Variants in RCAN1 observed in about 807,000 individuals in gnomAD.
The protein encoded by RCAN1 is calcipressin-1.
RCAN1 carries 11 observed loss-of-function variants against 22.9 expected under a neutral mutation model. The observed-to-expected ratio is 0.48, with a 90% CI of 0.30 to 0.79. RCAN1 has a LOEUF of 0.79. Among genes scored for constraint, RCAN1 ranks in the 30% least tolerant of loss-of-function variants. The probability of loss-of-function intolerance (pLI) is 0.06; values close to 1 mark genes in which losing one functional copy is unlikely to be tolerated. For synonymous variants in RCAN1, 136 were observed against 142.3 expected, an observed-to-expected ratio of 0.96 and a Z score of 0.32; for missense variants, 291 against 337.8, an observed-to-expected ratio of 0.86 and a Z score of 1.09.
chr21:34,600,570 G>A (rs528159792), intron 1 of RCAN1, among the ~76,000 whole-genome samples: 78 of 152,248 alleles, frequency 5.1e-4, no homozygotes, highest in Non-Finnish European at 5.0e-4. Flanking sequence ...TCACCACCAA[G>A]CATTAGCATT....
rs11539116 is a variant in RCAN1, at chr21:34,517,404, C to T, written c.*680G>A. 6.6e-6 allele frequency: 1 copy of T among 152,204 alleles called. No individual in the cohort carries two copies. The allele number at this position is 152,204 out of a possible 1,614,324, so 9.4% of individuals were successfully genotyped here. On this transcript the variant is annotated 3_prime_UTR_variant, in exon 4 of 4. Coordinates refer to ENST00000313806, the MANE Select transcript of RCAN1 (RefSeq NM_004414.7). ...GTTGGGGATGCTGAGTGAATGCATT[C>T]CAGGAAGAGTTCCGCAAGCAAGTGC...
chr21:34,548,012 A>T (rs1354506656), intron 1 of RCAN1, among the ~76,000 whole-genome samples: 1 of 152,200 alleles, frequency 6.6e-6, no homozygotes, highest in African/African-American at 2.4e-5. Context: ...GACAGTCTAC[A>T]AGCCAGGAGG....
At chr21:34,531,474 G>A (rs1248117221) in intron 1 of RCAN1, among the ~76,000 whole-genome samples, 1 of 152,180 alleles carries the variant, frequency 6.6e-6, no homozygotes. Context: ...CGTGCATAGT[G>A]CTGCAGGTAG....
intron 1 of RCAN1, among the ~76,000 whole-genome samples, chr21:34,575,257 A>C (rs1368422234): frequency 6.6e-6 from 1 of 152,156 alleles, no homozygotes; most frequent in Non-Finnish European, 1.5e-5. Context: ...TGGGAGCACA[A>C]ACACAGTTCA....
At chr21:34,607,360 T>C (rs1490019956) in intron 1 of RCAN1, among the ~76,000 whole-genome samples, 1 of 152,098 alleles carries the variant, frequency 6.6e-6, no homozygotes, top group East Asian at 1.9e-4. Context: ...AAATAAGTCT[T>C]TTTAATAATG....
At chr21:34,585,281 A>G (rs1987751066) in intron 1 of RCAN1, among the ~76,000 whole-genome samples, 1 of 152,260 alleles carries the variant, frequency 6.6e-6, no homozygotes, top group Non-Finnish European at 1.5e-5. Context: ...TAATGTCATT[A>G]GCTACAGAAG....
intron 1 of RCAN1, among the ~76,000 whole-genome samples, chr21:34,566,887 T>A (rs142959791): frequency 6.6e-6 from 1 of 152,162 alleles, no homozygotes; most frequent in Non-Finnish European, 1.5e-5. Context: ...TTCTGTGAAC[T>A]CATAGAGTAA....
chr21:34,536,817 T>C (rs1439011086), intron 1 of RCAN1, among the ~76,000 whole-genome samples: 1 of 152,224 alleles, frequency 6.6e-6, no homozygotes, highest in African/African-American at 2.4e-5. Flanking sequence ...TCGCTAAAGA[T>C]CGTTTGTATC....
intron 1 of RCAN1, among the ~76,000 whole-genome samples, chr21:34,589,760 C>T (rs907376560): frequency 6.6e-6 from 1 of 152,022 alleles, no homozygotes; most frequent in South Asian, 2.1e-4. Flanking sequence ...TGGGACAGCT[C>T]ATCTCATCTT....
At chr21:34,611,893 C>G (rs1021424249) in intron 1 of RCAN1, among the ~76,000 whole-genome samples, 2 of 152,204 alleles carry the variant, frequency 1.3e-5, no homozygotes, top group African/African-American at 4.8e-5. Flanking sequence ...AGGTTGCCCA[C>G]TGCATAGAGC....
chr21:34,563,770 A>AATATATAT (rs1199194939), intron 1 of RCAN1, among the ~76,000 whole-genome samples: 9 of 65,434 alleles, frequency 1.4e-4, no homozygotes, highest in East Asian at 9.7e-4. Context: ...AAAAAAAAAA[A>AATATATAT]ATATATATAT....
chr21:34,553,669 C>A (rs1344388793), intron 1 of RCAN1, among the ~76,000 whole-genome samples: 1 of 152,160 alleles, frequency 6.6e-6, no homozygotes, highest in East Asian at 1.9e-4. Flanking sequence ...GCCATACATT[C>A]CTAAGATGAA....
At chr21:34,524,853 G>A (rs1984897624) in intron 1 of RCAN1, among the ~76,000 whole-genome samples, 1 of 151,842 alleles carries the variant, frequency 6.6e-6, no homozygotes, top group South Asian at 2.1e-4. Context: ...TGTCGGTGGG[G>A]GCAGCTGGGG....
intron 1 of RCAN1, among the ~76,000 whole-genome samples, chr21:34,536,359 G>A (rs1353912450): frequency 6.6e-6 from 1 of 152,128 alleles, no homozygotes; most frequent in Non-Finnish European, 1.5e-5. Context: ...CTCAGCCAGG[G>A]GCACAGCACT....
intron 1 of RCAN1, among the ~76,000 whole-genome samples, chr21:34,611,472 T>C (rs1988685550): frequency 1.3e-5 from 2 of 152,234 alleles, no homozygotes; most frequent in Non-Finnish European, 2.9e-5. Context: ...CAGCTTCTGA[T>C]GTAAATTTTC....
At chr21:34,610,688 T>C (rs537555307) in intron 1 of RCAN1, among the ~76,000 whole-genome samples, 1 of 152,108 alleles carries the variant, frequency 6.6e-6, no homozygotes, top group Non-Finnish European at 1.5e-5. Context: ...CCCCAGAGAT[T>C]GGAATGGGTT....
At position 34,608,526 on chromosome 21, in the gene RCAN1, C is replaced by T. The variant is rs114030695; in HGVS notation, c.252+6234G>A. Among the ~76,000 whole-genome samples, 1,265 of 152,290 alleles carry T rather than the reference C, an allele frequency of 8.3e-3. 16 individuals are homozygous for T. The highest frequency in any genetic ancestry group is 0.029 in the African/African-American group (1,190 of 41,548). ...TGGAGAGGGTGCAGCAGCCCCCACA[C>T]AAGTGAGCCTGGCAGTAGATACCAC... On this transcript the variant is annotated intron_variant, in intron 1 of 3. Transcript: ENST00000313806.
At chr21:34,566,438 C>T (rs1464403370) in intron 1 of RCAN1, among the ~76,000 whole-genome samples, 1 of 152,262 alleles carries the variant, frequency 6.6e-6, no homozygotes, top group South Asian at 2.1e-4. Flanking sequence ...CAAATGTGGT[C>T]ACAGTGACCT....
At chr21:34,530,429 T>G (rs140034672) in intron 1 of RCAN1, among the ~76,000 whole-genome samples, 57 of 152,022 alleles carry the variant, frequency 3.7e-4, no homozygotes, top group South Asian at 3.1e-3. Flanking sequence ...CTCTAAGGAG[T>G]TGACAACTGC....
Sources: gnomAD v4.1 joint callset for allele counts (sites outside exome capture counted in the v4.1 genomes callset) on GRCh38, gnomAD v4.1.1 for gene constraint, MANE v1.5 for transcripts, NCBI Gene and HGNC (gene_info 2026-07-23, HGNC 2026-07-21) for gene names.